The following PLEKHG1 variants were observed in gnomAD, a reference collection of about 807,000 sequenced individuals.
The protein encoded by PLEKHG1 is pleckstrin homology domain-containing family G member 1.
In PLEKHG1, 44 loss-of-function variants were observed where a neutral mutation model predicts 100.8. The observed-to-expected ratio is 0.44, with a 90% CI of 0.34 to 0.56. The LOEUF (loss-of-function observed/expected upper bound fraction) is 0.56, where lower values mean the gene tolerates loss of function less well. PLEKHG1 is among the 20% of genes least tolerant of loss of function. The pLI is 0.01. For synonymous variants in PLEKHG1, 640 were observed against 662.5 expected, an observed-to-expected ratio of 0.97 and a Z score of 0.52; for missense variants, 1,545 against 1,720.9, an observed-to-expected ratio of 0.90 and a Z score of 1.81.
At chr6:150,658,700 C>T (rs1053985704) in intron 3 of PLEKHG1, among the ~76,000 whole-genome samples, 4 of 152,172 alleles carry the variant, frequency 2.6e-5, no homozygotes, top group Non-Finnish European at 5.9e-5. Flanking sequence ...GATTTTAGTA[C>T]AGCCACATCA....
exon 15 of PLEKHG1, chr6:150,830,881 G>T: frequency 6.2e-7 from 1 of 1,614,166 alleles, no homozygotes; most frequent in Non-Finnish European, 8.5e-7. Context: ...GCTGGCATAT[G>T]GGACAGATGG....
At chr6:150,745,330 C>T (rs1031044188) in intron 2 of PLEKHG1, among the ~76,000 whole-genome samples, 1 of 152,166 alleles carries the variant, frequency 6.6e-6, no homozygotes, top group Admixed American at 6.5e-5. Context: ...CCATCAGTGA[C>T]CAAAACGTCG....
chr6:150,655,707 CAAAAA>C (rs775753925), intron 3 of PLEKHG1, among the ~76,000 whole-genome samples: 5 of 38,358 alleles, frequency 1.3e-4, no homozygotes, highest in African/African-American at 3.4e-4. Context: ...GACTCCATCT[CAAAAA>C]AAAAAAAAAA....
chr6:150,605,658 A>G (rs1776572587), intron 1 of PLEKHG1: 1 of 152,232 alleles, frequency 6.6e-6, no homozygotes, highest in Non-Finnish European at 1.5e-5. Context: ...GTGGTCCAGG[A>G]AGCCTCTAGG....
chr6:150,646,887 G>A (rs1778525543), intron 2 of PLEKHG1, among the ~76,000 whole-genome samples: 1 of 152,100 alleles, frequency 6.6e-6, no homozygotes, highest in African/African-American at 2.4e-5. Flanking sequence ...TTCATGGGAG[G>A]AACATTGGTA....
chr6:150,675,177 C>T (rs9480521), intron 3 of PLEKHG1, among the ~76,000 whole-genome samples: 12,013 of 152,200 alleles, frequency 0.079, 561 homozygotes, highest in Non-Finnish European at 0.1. Flanking sequence ...TGCATGAACA[C>T]GATCATTTTT....
At chr6:150,684,949 A>T (rs1780069013) in intron 3 of PLEKHG1, among the ~76,000 whole-genome samples, 1 of 152,024 alleles carries the variant, frequency 6.6e-6, no homozygotes, top group Admixed American at 6.6e-5. Context: ...CACCCTAAGG[A>T]TGGGGTCAAA....
At chr6:150,832,246 G>T in intron 15 of PLEKHG1, 41 bp downstream of exon 16, 1 of 1,490,656 alleles carries the variant, frequency 6.7e-7, no homozygotes, top group South Asian at 1.3e-5. Flanking sequence ...AAAGTAAGAG[G>T]GGAGAGCGGT....
At chr6:150,775,676 AAAG>A (rs1397066080) in intron 3 of PLEKHG1, among the ~76,000 whole-genome samples, 1 of 152,230 alleles carries the variant, frequency 6.6e-6, no homozygotes, top group Non-Finnish European at 1.5e-5. Context: ...TCTGAAGACA[AAAG>A]AAATTCTTTG....
intron 3 of PLEKHG1, among the ~76,000 whole-genome samples, chr6:150,711,649 A>C (rs7769973): frequency 0.46 from 69,844 of 151,914 alleles, 16,468 homozygotes; most frequent in East Asian, 0.54. Flanking sequence ...TCATAGGATT[A>C]TTTTTAGTCC....
chr6:150,840,438 A>T, exon 16 of PLEKHG1: 1 of 1,614,220 alleles, frequency 6.2e-7, no homozygotes, highest in African/African-American at 1.3e-5. Flanking sequence ...TCAACAGGGC[A>T]CTGAAAAACT....
chr6:150,722,016 G>C (rs1233951495), intron 1 of PLEKHG1, among the ~76,000 whole-genome samples: 2 of 152,060 alleles, frequency 1.3e-5, no homozygotes, highest in African/African-American at 4.8e-5. Flanking sequence ...TTGAAGAAGA[G>C]ATATTTACAG....
intron 3 of PLEKHG1, among the ~76,000 whole-genome samples, chr6:150,770,373 C>T (rs1462729837): frequency 6.6e-6 from 1 of 152,176 alleles, no homozygotes; most frequent in Non-Finnish European, 1.5e-5. Flanking sequence ...TCCTTTAATT[C>T]TGAAAGCCTA....
At chr6:150,790,009 T>A (rs1194089034) in intron 4 of PLEKHG1, among the ~76,000 whole-genome samples, 2 of 145,632 alleles carry the variant, frequency 1.4e-5, no homozygotes, top group African/African-American at 5.1e-5. Context: ...CAGGAGAAGC[T>A]AGAAATTGAA....
chr6:150,705,167 T>C (rs1440350717), intron 3 of PLEKHG1, among the ~76,000 whole-genome samples: 2 of 152,170 alleles, frequency 1.3e-5, no homozygotes, highest in African/African-American at 4.8e-5. Context: ...AATCACCAGT[T>C]TTTTGGTTAA....
intron 6 of PLEKHG1, among the ~76,000 whole-genome samples, chr6:150,803,283 T>G (rs998565628): frequency 2.0e-5 from 3 of 152,212 alleles, no homozygotes; most frequent in Non-Finnish European, 4.4e-5. Flanking sequence ...CGTTAGCTGA[T>G]TATGTATGAT....
intron 4 of PLEKHG1, among the ~76,000 whole-genome samples, chr6:150,794,230 A>G (rs1382845681): frequency 6.6e-6 from 1 of 152,248 alleles, no homozygotes; most frequent in African/African-American, 2.4e-5. Flanking sequence ...AGAGATATCA[A>G]CCATTTGCTC....
At chr6:150,655,256 A>G (rs2128576824) in intron 3 of PLEKHG1, among the ~76,000 whole-genome samples, 1 of 152,346 alleles carries the variant, frequency 6.6e-6, no homozygotes, top group Non-Finnish European at 1.5e-5. Context: ...CAGAAATACT[A>G]TTTGATCCAG....
intron 3 of PLEKHG1, among the ~76,000 whole-genome samples, chr6:150,692,750 A>G (rs1483659534): frequency 6.6e-6 from 1 of 152,222 alleles, no homozygotes; most frequent in Non-Finnish European, 1.5e-5. Context: ...AAGAGAAAGT[A>G]AGTACTTGCT....
Sources: allele counts gnomAD v4.1 joint callset (sites outside exome capture counted in the v4.1 genomes callset), GRCh38; gene constraint gnomAD v4.1.1; transcripts MANE v1.5; gene names NCBI Gene and HGNC (gene_info 2026-07-23, HGNC 2026-07-21).